FMO5: variants seen among roughly 807,000 people sequenced by gnomAD.
The protein encoded by FMO5 is flavin-containing monooxygenase 5.
FMO5 carries 51 observed loss-of-function variants against 43.6 expected under a neutral mutation model. That is an observed-to-expected ratio of 1.17 (90% CI 0.93 to 1.48). The LOEUF (loss-of-function observed/expected upper bound fraction) is 1.48, where lower values mean the gene tolerates loss of function less well. FMO5 is among the 40% of genes most tolerant of loss of function. FMO5 has a pLI of 0.00. For synonymous variants in FMO5, 187 were observed against 216.5 expected (o/e 0.86, Z 1.20); for missense variants, 644 against 643.0 (o/e 1.00, Z -0.02).
intron 7 of FMO5, among the ~76,000 whole-genome samples, 189 bp from the exon 8 acceptor site, chr1:147,190,438 C>A (rs587733594): frequency 3.9e-5 from 6 of 152,286 alleles, no homozygotes; most frequent in African/African-American, 1.4e-4. Context: ...GCTTACTCTA[C>A]TTATTCTTCT....
chr1:147,217,843 A>G (rs1553925334), intron 2 of FMO5, among the ~76,000 whole-genome samples: 2 of 152,066 alleles, frequency 1.3e-5, no homozygotes, highest in Non-Finnish European at 2.9e-5. Context: ...AGACCTCCAT[A>G]ATGTTTTGTA....
At chr1:147,198,084 G>A (rs1482855116) in intron 7 of FMO5, among the ~76,000 whole-genome samples, 10 of 152,118 alleles carry the variant, frequency 6.6e-5, no homozygotes, top group African/African-American at 2.4e-4. Flanking sequence ...TCAGTGTATA[G>A]CTAATGTTAT....
At chr1:147,192,840 C>A (rs1349573576) in intron 7 of FMO5, among the ~76,000 whole-genome samples, 1 of 152,106 alleles carries the variant, frequency 6.6e-6, no homozygotes, top group South Asian at 2.1e-4. Context: ...GTTGAACCAG[C>A]CTTGCATCCC....
At chr1:147,187,308 C>T in intron 8 of FMO5, 63 bp from the exon 9 acceptor site, 1 of 1,257,938 alleles carries the variant, frequency 7.9e-7, no homozygotes, top group Non-Finnish European at 1.1e-6. Context: ...CAATCAATTA[C>T]TGCCTTCTGA....
chr1:147,187,150 G>T lies in FMO5; in HGVS notation c.1352C>A (p.Ser451Tyr), dbSNP rs782670809. The change falls in exon 9 of 9, where the codon TCT becomes TAT. Residue 451 changes from serine (S) to tyrosine (Y), a missense_variant. Transcript: ENST00000254090. ...CAGCTTGGGGTCAGTGAAGGCCAGA[G>T]ACAGCAGATTGGGCCTGACCCCCAC... ...DLVGVRPNLL[S>Y]LAFTDPKLAL... The T allele has an allele frequency of 9.3e-6, 15 of 1,614,014 alleles. No individual in the cohort carries two copies.
intron 4 of FMO5, 64 bp from the exon 5 acceptor site, chr1:147,212,599 C>A: frequency 6.7e-7 from 1 of 1,485,080 alleles, no homozygotes; most frequent in South Asian, 1.2e-5. Flanking sequence ...TTTGTCAAGT[C>A]ATTTGTTTTT....
At chr1:147,218,414 T>C (rs7552487) in intron 2 of FMO5, among the ~76,000 whole-genome samples, 21,769 of 122,556 alleles carry the variant, frequency 0.18, 1,535 homozygotes, top group East Asian at 0.3. Context: ...TTTTTTTGTG[T>C]TTTTAGTAGA....
At chr1:147,218,627 T>C (rs1323207565) in intron 2 of FMO5, among the ~76,000 whole-genome samples, 1 of 152,212 alleles carries the variant, frequency 6.6e-6, no homozygotes, top group Non-Finnish European at 1.5e-5. Flanking sequence ...ATAGTTTCTC[T>C]TGATTCCATA....
chr1:147,203,109 G>A (rs1428964578), intron 6 of FMO5, among the ~76,000 whole-genome samples: 1 of 41,476 alleles, frequency 2.4e-5, no homozygotes, highest in Non-Finnish European at 4.7e-5. Flanking sequence ...TAGACCAAAG[G>A]TTTCCTTTTT....
At position 147,208,953 on chromosome 1, in the gene FMO5, A is replaced by G. The variant is rs1660591328; in HGVS notation, c.729T>C (p.Phe243=). The change falls in exon 6 of 9, where the codon TTT becomes TTC. Residue 243 remains phenylalanine (F), a synonymous_variant. Transcript: ENST00000254090. ...ATGATTGGCCACAGATCTTCCATAT[A>G]AAATGTGTAAGTCGAGAAGAGAACA... ...DVLFSSRLTH[F]IWKICGQSLA... The G allele has an allele frequency of 4.3e-6, 7 of 1,613,858 alleles. No individual in the cohort carries two copies. The highest frequency in any genetic ancestry group is 5.9e-6 in the Non-Finnish European group (7 of 1,179,872).
At position 147,201,343 on chromosome 1, in the gene FMO5, C is replaced by A; in HGVS notation, c.992G>T (p.Gly331Val). ...CAGAAATGGAAAGTCAAAGCTATAG[C>A]CTGTGGCAAAGATAACAGCATCAAT... ...DDIDAVIFAT[G>V]YSFDFPFLED... The change falls in exon 7 of 9, where the codon GGC (glycine) becomes GTC (valine). Residue 331 changes from glycine to valine, a missense_variant. Physicochemically the swap from Gly to Val is moderately radical, Grantham distance 109. Coordinates refer to ENST00000254090, the MANE Select transcript of FMO5 (RefSeq NM_001461.4). The A allele has an allele frequency of 6.2e-7, 1 of 1,614,174 alleles. No homozygotes were observed.
At chr1:147,222,098 G>T (rs924805712) in intron 2 of FMO5, among the ~76,000 whole-genome samples, 1 of 152,168 alleles carries the variant, frequency 6.6e-6, no homozygotes, top group African/African-American at 2.4e-5. Context: ...GGCTAGGCAC[G>T]GTGGCTCATG....
At chr1:147,224,850 T>G in intron 2 of FMO5, 45 bp downstream of exon 2, 1 of 1,584,692 alleles carries the variant, frequency 6.3e-7, no homozygotes. Flanking sequence ...TGCACCTAGT[T>G]GCAGGGAGGG....
intron 8 of FMO5, 110 bp downstream of exon 8, chr1:147,190,067 A>G (rs1656408371): frequency 1.5e-6 from 1 of 680,098 alleles, no homozygotes; most frequent in Non-Finnish European, 2.4e-6. Flanking sequence ...TCTTCATAAT[A>G]GAATCTAAAT....
chr1:147,223,847 G>T, intron 2 of FMO5: 1 of 302,602 alleles, frequency 3.3e-6, no homozygotes, highest in Non-Finnish European at 6.3e-6. Context: ...GCTTACGCGG[G>T]CCCACAAGCA....
chr1:147,195,478 T>G (rs958278614), intron 7 of FMO5, among the ~76,000 whole-genome samples: 9 of 152,124 alleles, frequency 5.9e-5, no homozygotes, highest in Non-Finnish European at 1.5e-5. Flanking sequence ...CTGTGGAAGA[T>G]AAGCTTCATT....
intron 6 of FMO5, among the ~76,000 whole-genome samples, chr1:147,206,231 C>G (rs1571292789): frequency 6.6e-6 from 1 of 150,918 alleles, no homozygotes; most frequent in Non-Finnish European, 1.5e-5. Context: ...CATCTCACAC[C>G]AGTTAGAATG....
intron 6 of FMO5, among the ~76,000 whole-genome samples, chr1:147,206,128 A>G (rs1349678972): frequency 1.3e-5 from 2 of 150,708 alleles, no homozygotes; most frequent in Admixed American, 1.3e-4. Context: ...ACACTTCTCA[A>G]AAGAAGACAT....
At chr1:147,189,112 A>G (rs1449462292) in intron 8 of FMO5, among the ~76,000 whole-genome samples, 3 of 152,026 alleles carry the variant, frequency 2.0e-5, no homozygotes, top group African/African-American at 7.3e-5. Flanking sequence ...CATCTCTACT[A>G]AAAATACAAA....
Sources: allele counts gnomAD v4.1 joint callset (sites outside exome capture counted in the v4.1 genomes callset), GRCh38; gene constraint gnomAD v4.1.1; transcripts MANE v1.5; gene names NCBI Gene and HGNC (gene_info 2026-07-23, HGNC 2026-07-21).